MCPH1: variants seen among roughly 807,000 people sequenced by gnomAD.
MCPH1 encodes the protein microcephalin 1, also known as microcephalin.
MCPH1 carries 104 observed loss-of-function variants against 84.5 expected under a neutral mutation model. That is an observed-to-expected ratio of 1.23 (90% CI 1.05 to 1.45). The LOEUF (loss-of-function observed/expected upper bound fraction) is 1.45. Among genes scored for constraint, MCPH1 ranks in the 40% most tolerant of loss-of-function variants. The probability of loss-of-function intolerance (pLI) is 0.00; values close to 1 mark genes in which losing one functional copy is unlikely to be tolerated. For missense variants in MCPH1, 1,498 were observed against 1,005.7 expected (o/e 1.49, Z -6.62); for synonymous variants, 514 against 366.8 (o/e 1.40, Z -4.58).
intron 9 of MCPH1, among the ~76,000 whole-genome samples, chr8:6,458,343 G>T (rs1175667744): frequency 6.6e-6 from 1 of 151,752 alleles, no homozygotes; most frequent in Non-Finnish European, 1.5e-5. Flanking sequence ...GTAGTGGCGG[G>T]CGCCTGTAGT....
At position 6,510,520 on chromosome 8, in the gene MCPH1, G is replaced by A. The variant is rs549619415; in HGVS notation, c.2214+10591G>A. On this transcript the variant is annotated intron_variant, in intron 12 of 13. Transcript: ENST00000344683. ...GTTCTTTTAGTTTTACCTGCTGGTC[G>A]GGCCAGGCCAGGTGCTTACACCTGC... Among the ~76,000 whole-genome samples the A allele has an allele frequency of 4.7e-4, 72 of 152,276 alleles. No individual in the cohort carries two copies. The South Asian group carries it at 0.013, about 28-fold the overall frequency.
At chr8:6,627,074 G>C (rs1796783014) in intron 13 of MCPH1, 1 of 985,104 alleles carries the variant, frequency 1.0e-6, no homozygotes, top group African/African-American at 1.7e-5. Flanking sequence ...GATGTTTTCA[G>C]GAAAAAGATC....
At chr8:6,485,106 C>G (rs1303663435) in intron 11 of MCPH1, among the ~76,000 whole-genome samples, 1 of 152,090 alleles carries the variant, frequency 6.6e-6, no homozygotes, top group Non-Finnish European at 1.5e-5. Flanking sequence ...GCGTGTGGAT[C>G]ACGAGGTCAG....
intron 12 of MCPH1, chr8:6,616,797 T>C (rs1830833060): frequency 6.6e-6 from 1 of 152,220 alleles, no homozygotes; most frequent in Non-Finnish European, 1.5e-5. Flanking sequence ...GTCCTGTTGT[T>C]TATTTTGGAG....
intron 12 of MCPH1, among the ~76,000 whole-genome samples, chr8:6,610,070 G>C (rs2082198267): frequency 6.6e-6 from 1 of 152,216 alleles, no homozygotes; most frequent in African/African-American, 2.4e-5. Context: ...ACTGCCAAGA[G>C]CCGTAAGGAC....
intron 9 of MCPH1, chr8:6,473,743 A>T: frequency 1.7e-6 from 1 of 586,868 alleles, no homozygotes; most frequent in African/African-American, 1.9e-5. Context: ...TGGTCCTGCA[A>T]CATGAGTTTA....
intron 10 of MCPH1, among the ~76,000 whole-genome samples, chr8:6,478,830 G>C (rs1382781136): frequency 6.6e-6 from 1 of 152,150 alleles, no homozygotes; most frequent in Non-Finnish European, 1.5e-5. Context: ...TTGAAGTAGT[G>C]ATGAGGCCCA....
Position 6,445,281 on chromosome 8 carries a change from C to G in MCPH1, c.1559C>G (p.Pro520Arg). 6.2e-7 allele frequency: 1 copy of G among 1,614,174 alleles called. No individual in the cohort carries two copies. The highest frequency in any genetic ancestry group is 1.1e-5 in the South Asian group (1 of 91,088). The stretch of plus-strand genomic sequence containing the variant: ...CAGGCTGGGAAAGAAGACGCATGCC[C>G]AGAGGGAAATGGCTTTTCTTACACC... Reference protein sequence around the residue: ...CRQAGKEDACPEGNGFSYTIE... With the variant: ...CRQAGKEDACREGNGFSYTIE... Residue 520 changes from proline to arginine, a missense_variant, in exon 8 of 14, where the codon CCA (proline) becomes CGA (arginine). Physicochemically the swap from Pro to Arg is moderately radical, Grantham distance 103 (BLOSUM62 -2). Coordinates refer to ENST00000344683, the MANE Select transcript of MCPH1 (RefSeq NM_024596.5).
chr8:6,627,197 G>A (rs1422136890), intron 13 of MCPH1: 1 of 985,300 alleles, frequency 1.0e-6, no homozygotes, highest in African/African-American at 1.7e-5. Context: ...GAGGCCTCAG[G>A]CCTTCGGGCT....
intron 13 of MCPH1, among the ~76,000 whole-genome samples, chr8:6,627,902 T>C (rs1043426250): frequency 2.7e-5 from 4 of 148,616 alleles, no homozygotes; most frequent in Admixed American, 6.6e-5. Context: ...AAAATATATA[T>C]GTGTTTATAT....
At chr8:6,641,839 TA>T (rs1475406709) in intron 13 of MCPH1, among the ~76,000 whole-genome samples, 1 of 152,212 alleles carries the variant, frequency 6.6e-6, no homozygotes, top group African/African-American at 2.4e-5. Flanking sequence ...TTGTTATAAT[TA>T]TATACAATGT....
rs936752703 is a variant in MCPH1, at chr8:6,623,672, C to T, written c.2452+1981C>T. ...CTGGTGCAGAGTAATTCATCTTTTG[C>T]CTGGAAACCAACTTCCAAAAAAAAA... On this transcript the variant is annotated intron_variant, in intron 13 of 13. Transcript: ENST00000344683. Among the ~76,000 whole-genome samples the T allele has an allele frequency of 2.4e-5, 3 of 124,846 alleles. No homozygotes were observed. The Admixed American group carries it at 3.0e-4, about 12-fold the overall frequency. The allele number at this position is 124,846 out of a possible 152,430, so 81.9% of individuals were successfully genotyped here.
At chr8:6,621,093 C>G in intron 12 of MCPH1, 1 of 350,888 alleles carries the variant, frequency 2.8e-6, no homozygotes, top group Non-Finnish European at 5.4e-6. Flanking sequence ...ATCTTGCCGT[C>G]ACTTGCACAC....
intron 12 of MCPH1, chr8:6,508,811 G>A (rs1814323680): frequency 1.5e-6 from 2 of 1,355,102 alleles, no homozygotes; most frequent in African/African-American, 1.4e-5. Flanking sequence ...AAGCTAGTGT[G>A]TCTACGTATG....
rs745931849 is a variant in MCPH1 at position 6,444,493 on chromosome 8, C to A, written c.771C>A (p.Asp257Glu). 1 of 1,614,144 alleles carries A rather than the reference C, an allele frequency of 6.2e-7. No individual in the cohort carries two copies. Among genetic ancestry groups the A allele is most frequent in the East Asian group, 2.2e-5 (1 of 44,876 alleles). The change falls in exon 8 of 14, where the codon GAC (aspartate) becomes GAA (glutamate). Residue 257 changes from aspartate to glutamate, a missense_variant. Coordinates refer to ENST00000344683, the MANE Select transcript of MCPH1 (RefSeq NM_024596.5). ...GGAAGTTGGAAGGATCCATTAATGA[C>A]ATTAAAAGTGATGTGTGTATTTCTT... is the stretch of plus-strand genomic sequence containing the variant. ...QERKLEGSIN[D>E]IKSDVCISSL...
intron 12 of MCPH1, among the ~76,000 whole-genome samples, chr8:6,593,902 G>A (rs930761650): frequency 8.5e-5 from 13 of 152,124 alleles, no homozygotes; most frequent in African/African-American, 1.2e-4. Flanking sequence ...AAAAGTGGCC[G>A]TCCCTCCCAT....
chr8:6,416,587 C>G (rs1163587098), intron 3 of MCPH1, among the ~76,000 whole-genome samples: 1 of 152,060 alleles, frequency 6.6e-6, no homozygotes. Flanking sequence ...GATTTTTGTC[C>G]TTCATTATAT....
Position 6,505,740 on chromosome 8 carries a change from T to G in MCPH1, c.2214+5811T>G, listed in dbSNP as rs1173089715. Among the ~76,000 whole-genome samples, 18 of 134,726 alleles carry G rather than the reference T, an allele frequency of 1.3e-4. No individual in the cohort carries two copies. The South Asian group carries it at 3.4e-3, about 26-fold the overall frequency. 88.4% of individuals were successfully genotyped at this position (134,726 alleles called of 152,430 possible). The stretch of plus-strand genomic sequence containing the variant: ...ATATTCTATATATATTCTATATATA[T>G]TCTTTATATATACGTATATATAGAA... On this transcript the variant is annotated intron_variant, in intron 12 of 13. Coordinates refer to ENST00000344683, the MANE Select transcript of MCPH1 (RefSeq NM_024596.5).
chr8:6,440,589 T>A (rs991326609), intron 6 of MCPH1, among the ~76,000 whole-genome samples: 4 of 152,188 alleles, frequency 2.6e-5, no homozygotes, highest in African/African-American at 7.2e-5. Context: ...ACCAGTTGTT[T>A]ATAAGAATGC....
Sources: gnomAD v4.1 joint callset for allele counts (sites outside exome capture counted in the v4.1 genomes callset) on GRCh38, gnomAD v4.1.1 for gene constraint, MANE v1.5 for transcripts, NCBI Gene and HGNC (gene_info 2026-07-23, HGNC 2026-07-21) for gene names.